The following IL1RAPL2 variants were observed in gnomAD, a reference collection of about 807,000 sequenced individuals.
IL1RAPL2 encodes the protein interleukin 1 receptor accessory protein like 2.
IL1RAPL2 carries 3 observed loss-of-function variants against 44.1 expected under a neutral mutation model. The ratio of observed to expected loss-of-function variants is 0.07; its 90% CI spans 0.03 to 0.18. IL1RAPL2 has a LOEUF of 0.18. Among genes scored for constraint, IL1RAPL2 ranks in the 10% least tolerant of loss-of-function variants. The pLI is 1.00. For missense variants in IL1RAPL2, 391 were observed against 496.4 expected, an observed-to-expected ratio of 0.79 and a Z score of 2.02; for synonymous variants, 181 against 178.8, an observed-to-expected ratio of 1.01 and a Z score of -0.10.
chrX:104,770,927 C>A (rs1221426237), intron 2 of IL1RAPL2, among the ~76,000 whole-genome samples: 3 of 111,256 alleles, frequency 2.7e-5, no homozygotes, highest in Admixed American at 9.6e-5. Context: ...AGTGGAGATT[C>A]ACTTATTTTG....
intron 6 of IL1RAPL2, among the ~76,000 whole-genome samples, chrX:105,716,635 G>T: frequency 1.8e-5 from 2 of 111,172 alleles, no homozygotes. Context: ...CAGCTATCTA[G>T]GTATTAATAT....
At chrX:104,981,055 TTGTG>T (rs199571900) in intron 2 of IL1RAPL2, among the ~76,000 whole-genome samples, 2,213 of 97,330 alleles carry the variant, frequency 0.023, 25 homozygotes, top group African/African-American at 0.032. Context: ...TTCCAAGGTA[TTGTG>T]TGTGTGTGTG....
At chrX:104,691,648 A>C (rs1931093992) in intron 2 of IL1RAPL2, among the ~76,000 whole-genome samples, 1 of 112,071 alleles carries the variant, frequency 8.9e-6, no homozygotes, top group Non-Finnish European at 1.9e-5. Flanking sequence ...GAACACCAGA[A>C]GCATTTTCTC....
intron 2 of IL1RAPL2, among the ~76,000 whole-genome samples, chrX:105,030,269 T>G (rs1418444756): frequency 1.8e-5 from 2 of 111,349 alleles, no homozygotes; most frequent in Non-Finnish European, 3.8e-5. Flanking sequence ...ATTTGTCAAT[T>G]TTGGCTTTTG....
intron 2 of IL1RAPL2, among the ~76,000 whole-genome samples, chrX:104,866,332 A>AT (rs1922615031): frequency 9.0e-6 from 1 of 111,366 alleles, no homozygotes; most frequent in Non-Finnish European, 1.9e-5. Flanking sequence ...ATGAAGGATA[A>AT]TTTTTTCTTT....
intron 3 of IL1RAPL2, among the ~76,000 whole-genome samples, chrX:105,217,943 C>T (rs1201940773): frequency 9.0e-6 from 1 of 110,970 alleles, no homozygotes; most frequent in East Asian, 2.9e-4. Context: ...TGGGGCCTGT[C>T]AGGGGATGGG....
At chrX:105,655,157 T>C (rs1048316653) in intron 6 of IL1RAPL2, among the ~76,000 whole-genome samples, 1 of 112,548 alleles carries the variant, frequency 8.9e-6, no homozygotes, top group African/African-American at 3.2e-5. Context: ...ATAAGTGATA[T>C]TAGGTCATAC....
chrX:105,071,801 G>A (rs2032210315), intron 2 of IL1RAPL2, among the ~76,000 whole-genome samples: 1 of 111,865 alleles, frequency 8.9e-6, no homozygotes, highest in Non-Finnish European at 1.9e-5. Context: ...GTGGTGTTAG[G>A]AAAACTGGAT....
intron 5 of IL1RAPL2, among the ~76,000 whole-genome samples, chrX:105,371,939 G>C (rs2035344109): frequency 9.0e-6 from 1 of 111,431 alleles, no homozygotes; most frequent in African/African-American, 3.3e-5. Flanking sequence ...AGTTGAGGAA[G>C]GTATAATAGA....
chrX:104,901,355 C>T (rs1923813098), intron 2 of IL1RAPL2, among the ~76,000 whole-genome samples: 1 of 107,557 alleles, frequency 9.3e-6, no homozygotes. Flanking sequence ...GGACTACAGG[C>T]GCCTGCCACC....
At chrX:104,944,223 C>T (rs571095269) in intron 2 of IL1RAPL2, among the ~76,000 whole-genome samples, 1 of 111,732 alleles carries the variant, frequency 8.9e-6, no homozygotes, top group Middle Eastern at 4.6e-3. Context: ...ATATTTATAC[C>T]TCCTCTAGTA....
chrX:104,946,391 A>AAAAAAAC (rs1925357389), intron 2 of IL1RAPL2, among the ~76,000 whole-genome samples: 1 of 91,845 alleles, frequency 1.1e-5, no homozygotes, highest in Non-Finnish European at 2.2e-5. Flanking sequence ...AAAAAAAAAA[A>AAAAAAAC]AAAAAAAAAA....
At chrX:104,872,243 A>C (rs1245335531) in intron 2 of IL1RAPL2, among the ~76,000 whole-genome samples, 4 of 112,096 alleles carry the variant, frequency 3.6e-5, no homozygotes, top group Non-Finnish European at 5.6e-5. Flanking sequence ...CTGGACTCTA[A>C]ACACAACTTA....
intron 6 of IL1RAPL2, among the ~76,000 whole-genome samples, chrX:105,542,091 G>T (rs188342239): frequency 3.1e-4 from 35 of 111,414 alleles, no homozygotes; most frequent in African/African-American, 1.1e-3. Context: ...CTCTCCAACT[G>T]GACATGTCTC....
intron 2 of IL1RAPL2, among the ~76,000 whole-genome samples, chrX:105,172,629 G>T (rs1002426763): frequency 9.0e-6 from 1 of 111,598 alleles, no homozygotes; most frequent in South Asian, 3.8e-4. Context: ...TTGTACCTAA[G>T]ATTTTTTCTG....
At chrX:105,628,047 G>A (rs968306653) in intron 6 of IL1RAPL2, among the ~76,000 whole-genome samples, 3 of 111,630 alleles carry the variant, frequency 2.7e-5, no homozygotes, top group South Asian at 3.8e-4. Flanking sequence ...GATGAGGTGG[G>A]GATGGGAGGA....
intron 6 of IL1RAPL2, among the ~76,000 whole-genome samples, chrX:105,675,849 G>A (rs929042123): frequency 3.6e-5 from 4 of 111,654 alleles, no homozygotes; most frequent in African/African-American, 9.8e-5. Context: ...CTTATTATTG[G>A]TCTATTGAGG....
intron 2 of IL1RAPL2, among the ~76,000 whole-genome samples, chrX:105,044,899 A>C: frequency 9.0e-6 from 1 of 111,248 alleles, no homozygotes; most frequent in Admixed American, 9.6e-5. Flanking sequence ...ATAGTCAACA[A>C]TGAACGTCCC....
At position 105,407,832 on chromosome X, in the gene IL1RAPL2, T is replaced by A. The variant is rs1350996836; in HGVS notation, c.698-76481T>A. On this transcript the variant is annotated intron_variant, in intron 5 of 10. Coordinates refer to ENST00000372582, the MANE Select transcript of IL1RAPL2 (RefSeq NM_017416.2). The stretch of plus-strand genomic sequence containing the variant: ...TCTCAGAATTTCATTCTAGGCAAGT[T>A]CCACTCAACACCAGACCAAGCAATT... Among the ~76,000 whole-genome samples the A allele has an allele frequency of 8.9e-5, 10 of 112,036 alleles. No individual in the cohort carries two copies. In the East Asian group the frequency reaches 2.8e-3, roughly 32 times the overall value.
Sources: gnomAD v4.1 joint callset for allele counts (sites outside exome capture counted in the v4.1 genomes callset) on GRCh38, gnomAD v4.1.1 for gene constraint, MANE v1.5 for transcripts, NCBI Gene and HGNC (gene_info 2026-07-23, HGNC 2026-07-21) for gene names.